The following RAB27B variants were observed in gnomAD, a reference collection of about 807,000 sequenced individuals.
RAB27B encodes the protein ras-related protein Rab-27B.
RAB27B carries 15 observed loss-of-function variants against 24.6 expected under a neutral mutation model. That is an observed-to-expected ratio of 0.61 (90% CI 0.41 to 0.94). The LOEUF is 0.94. RAB27B is among the 40% of genes least tolerant of loss of function. The pLI, the probability that RAB27B is intolerant of heterozygous loss-of-function variation, is 0.00. For missense variants in RAB27B, 261 were observed against 266.8 expected, an observed-to-expected ratio of 0.98 and a Z score of 0.15; for synonymous variants, 105 against 92.5, an observed-to-expected ratio of 1.14 and a Z score of -0.78.
chr18:54,884,852 G>GGT (rs1168035974), intron 4 of RAB27B, among the ~76,000 whole-genome samples: 3 of 152,154 alleles, frequency 2.0e-5, no homozygotes, highest in Non-Finnish European at 4.4e-5. Context: ...TGGCACTGAA[G>GGT]GTGTGTTAAA....
At chr18:54,824,262 C>T (rs1910401804), upstream of RAB27B, among the ~76,000 whole-genome samples, 1 of 152,154 alleles carries the variant, frequency 6.6e-6, no homozygotes, top group Non-Finnish European at 1.5e-5. Flanking sequence ...TTTTGTTTCT[C>T]ATGGAGTTAA....
chr18:54,816,818 A>G (rs745621986), intron 2 of RAB27B, among the ~76,000 whole-genome samples: 5 of 152,224 alleles, frequency 3.3e-5, no homozygotes, highest in African/African-American at 1.2e-4. Flanking sequence ...AAAATGCAAG[A>G]CAGAGAGTTG....
chr18:54,815,032 G>A (rs533857561), intron 2 of RAB27B, among the ~76,000 whole-genome samples: 1 of 151,884 alleles, frequency 6.6e-6, no homozygotes, highest in East Asian at 1.9e-4. Context: ...TTCCCTAATT[G>A]CCACCCAAAT....
intron 2 of RAB27B, among the ~76,000 whole-genome samples, chr18:54,739,150 A>G (rs889267068): frequency 2.6e-5 from 4 of 152,158 alleles, no homozygotes; most frequent in African/African-American, 4.8e-5. Context: ...ATAGTATTCC[A>G]CCATATAGAA....
chr18:54,745,525 TG>T, intron 2 of RAB27B: 2 of 157,988 alleles, frequency 1.3e-5, no homozygotes, highest in Non-Finnish European at 2.8e-5. Flanking sequence ...CACAGAAGCC[TG>T]GTCTGCAACT....
At position 54,812,833 on chromosome 18, in the gene RAB27B, A is replaced by T. The variant is rs1361550693; in HGVS notation, c.-19-64734A>T. Among the ~76,000 whole-genome samples the T allele has an allele frequency of 3.3e-5, 5 of 152,178 alleles. No homozygotes were observed. The South Asian group carries it at 6.2e-4, about 19-fold the overall frequency. The stretch of plus-strand genomic sequence containing the variant: ...AGCACACATATATATGTATATGTAC[A>T]TCTGTACACAATATCTATACCAAAT... On this transcript the variant is annotated intron_variant, in intron 2 of 4. Coordinates refer to the RAB27B transcript ENST00000586570.
At chr18:54,773,757 C>T (rs920460905) in intron 2 of RAB27B, among the ~76,000 whole-genome samples, 2 of 151,676 alleles carry the variant, frequency 1.3e-5, no homozygotes, top group Admixed American at 1.3e-4. Flanking sequence ...CTCACTGCAA[C>T]CTCTGCCTTC....
At position 54,892,733 on chromosome 18, in the gene RAB27B, T is replaced by C. The variant is rs1913417745; in HGVS notation, c.*3320T>C. The C allele has an allele frequency of 6.6e-6, 1 of 152,080 alleles. No individual in the cohort carries two copies. The highest frequency in any genetic ancestry group is 1.5e-5 in the Non-Finnish European group (1 of 67,986). 9.4% of individuals were successfully genotyped at this position (152,080 alleles called of 1,614,324 possible). A position where few individuals can be genotyped will look rare whatever the true frequency, so the allele number is the denominator to read the frequency against. ...ATCCAATTTGCTATCATTTTCGTAT[T>C]ATCAGCTATCGCCCTGTAAAATATT... On this transcript the variant is annotated 3_prime_UTR_variant, in exon 6 of 6. Transcript: ENST00000262094.
At chr18:54,792,489 T>C (rs1489788443) in intron 2 of RAB27B, among the ~76,000 whole-genome samples, 1 of 152,180 alleles carries the variant, frequency 6.6e-6, no homozygotes, top group African/African-American at 2.4e-5. Context: ...CCTTTATTCA[T>C]TTGCATAAAC....
intron 1 of RAB27B, among the ~76,000 whole-genome samples, chr18:54,847,323 C>G (rs977039091): frequency 1.3e-5 from 2 of 152,162 alleles, no homozygotes; most frequent in Non-Finnish European, 2.9e-5. Context: ...ATACCCAGTT[C>G]TCTGGTAAAC....
At chr18:54,883,427 C>T (rs923094406) in intron 3 of RAB27B, among the ~76,000 whole-genome samples, 8 of 152,064 alleles carry the variant, frequency 5.3e-5, no homozygotes, top group African/African-American at 1.4e-4. Context: ...GGATAGGAAG[C>T]GATATCTCTA....
rs1296639680 is a variant in RAB27B, at chr18:54,895,221, G to A, written c.*5808G>A. On this transcript the variant is annotated 3_prime_UTR_variant, in exon 6 of 6. Transcript: ENST00000262094. ...TCAAGTAATATTATCTTTATTTTTA[G>A]GCTAAGCACGTTTGATTATTTTGTC... is the stretch of plus-strand genomic sequence containing the variant. The A allele has an allele frequency of 2.6e-5, 4 of 151,940 alleles. No homozygotes were observed. Among genetic ancestry groups the A allele is most frequent in the Non-Finnish European group, 4.4e-5 (3 of 67,966 alleles). The allele number at this position is 151,940 out of a possible 1,614,324, so 9.4% of individuals were successfully genotyped here.
In RAB27B at chr18:54,802,597, T is replaced by C. The variant is rs537706508; in HGVS notation, c.-19-74970T>C. Among the ~76,000 whole-genome samples, 6 of 152,354 alleles carry C rather than the reference T, an allele frequency of 3.9e-5. No individual in the cohort carries two copies. The South Asian group carries it at 1.2e-3, about 32-fold the overall frequency. On this transcript the variant is annotated intron_variant, in intron 2 of 4. Transcript: ENST00000586570. ...GTTTCTTGATGTGTGATTTTACACT[T>C]CCCTATTTTCCTAAACTGCTAGAGA...
chr18:54,881,923 A>G (rs900195507), intron 3 of RAB27B, among the ~76,000 whole-genome samples: 3 of 152,154 alleles, frequency 2.0e-5, no homozygotes, highest in Admixed American at 1.3e-4. Context: ...TTTGTTCTCA[A>G]ATGAGACACA....
At chr18:54,768,538 A>C (rs1908439230) in intron 2 of RAB27B, among the ~76,000 whole-genome samples, 1 of 152,106 alleles carries the variant, frequency 6.6e-6, no homozygotes, top group African/African-American at 2.4e-5. Flanking sequence ...TCATCACTAA[A>C]CTACCTTCTC....
chr18:54,809,247 C>T lies in RAB27B; in HGVS notation c.-19-68320C>T, dbSNP rs1909889296. ...TGCTCTGAACAGTGGTACGTGACTA[C>T]AAATAGCATCAGTTTCAAGCATGGG... On this transcript the variant is annotated intron_variant, in intron 2 of 4. Coordinates refer to the RAB27B transcript ENST00000586570. 2.6e-5 allele frequency among the ~76,000 whole-genome samples: 4 copies of T among 152,162 alleles called. No individual in the cohort carries two copies. The South Asian group carries it at 8.3e-4, about 32-fold the overall frequency.
chr18:54,719,685 C>G (rs1909297740), intron 2 of RAB27B, among the ~76,000 whole-genome samples: 1 of 151,918 alleles, frequency 6.6e-6, no homozygotes, highest in Non-Finnish European at 1.5e-5. Flanking sequence ...CCTATTTTTG[C>G]ATTGGTGCAC....
chr18:54,768,377 A>T (rs996020422), intron 2 of RAB27B, among the ~76,000 whole-genome samples: 2 of 152,164 alleles, frequency 1.3e-5, no homozygotes, highest in African/African-American at 2.4e-5. Context: ...ATTTTAATTT[A>T]AAAAAATCAT....
At chr18:54,825,132 G>A (rs1404086073), upstream of RAB27B, among the ~76,000 whole-genome samples, 3 of 152,156 alleles carry the variant, frequency 2.0e-5, no homozygotes, top group African/African-American at 7.2e-5. Flanking sequence ...TAAAAAATGT[G>A]AAGGCATTCA....
Sources: gnomAD v4.1 joint callset for allele counts (sites outside exome capture counted in the v4.1 genomes callset) on GRCh38, gnomAD v4.1.1 for gene constraint, MANE v1.5 for transcripts, NCBI Gene and HGNC (gene_info 2026-07-23, HGNC 2026-07-21) for gene names.